CAPS2: variants seen among roughly 807,000 people sequenced by gnomAD.
CAPS2 encodes the protein calcyphosine 2.
Under a neutral mutation model 86.5 loss-of-function variants are expected in CAPS2, and 98 were observed. The ratio of observed to expected loss-of-function variants is 1.13; its 90% CI spans 0.96 to 1.34. CAPS2 has a LOEUF of 1.34. Among genes scored for constraint, CAPS2 ranks in the 40% most tolerant of loss-of-function variants. The pLI is 0.00. For missense variants in CAPS2, 729 were observed against 686.8 expected (o/e 1.06, Z -0.69); for synonymous variants, 210 against 225.1 (o/e 0.93, Z 0.60).
chr12:75,384,850 T>TG (rs60378977), intron 1 of CAPS2, among the ~76,000 whole-genome samples: 79,773 of 152,022 alleles, frequency 0.52, 21,007 homozygotes, highest in East Asian at 0.58. Flanking sequence ...TCTAAATATT[T>TG]TCCCCTCCAA....
intron 1 of CAPS2, chr12:75,343,655 T>G: frequency 1.4e-6 from 2 of 1,469,332 alleles, no homozygotes; most frequent in Non-Finnish European, 1.9e-6. Flanking sequence ...ATGCAAATAC[T>G]TATGCACAAT....
chr12:75,291,898 T>G, intron 12 of CAPS2, 78 bp from the exon 13 acceptor site: 1 of 543,532 alleles, frequency 1.8e-6, no homozygotes, highest in African/African-American at 2.0e-5. Context: ...CTCTAAGCTC[T>G]TCCCTGCTCC....
intron 4 of CAPS2, chr12:75,322,875 T>G: frequency 1.5e-6 from 1 of 659,696 alleles, no homozygotes. Flanking sequence ...GGTTTGGTAT[T>G]TAAATACATA....
At chr12:75,348,916 C>T (rs963378943) in intron 1 of CAPS2, among the ~76,000 whole-genome samples, 1 of 152,156 alleles carries the variant, frequency 6.6e-6, no homozygotes, top group East Asian at 1.9e-4. Flanking sequence ...ATTCCCCCAG[C>T]TTCCTGTCTC....
chr12:75,302,138 A>C (rs1341837225), intron 8 of CAPS2, among the ~76,000 whole-genome samples: 1 of 152,180 alleles, frequency 6.6e-6, no homozygotes, highest in Admixed American at 6.5e-5. Context: ...TCCTGCCTCT[A>C]AATTTATGTA....
chr12:75,334,885 G>A, upstream of CAPS2: 1 of 1,613,924 alleles, frequency 6.2e-7, no homozygotes, highest in Non-Finnish European at 8.5e-7. Flanking sequence ...CCCTCCCGCG[G>A]CCGACATGAA....
At chr12:75,304,393 A>G (rs546797974) in intron 8 of CAPS2, among the ~76,000 whole-genome samples, 1 of 152,230 alleles carries the variant, frequency 6.6e-6, no homozygotes, top group South Asian at 2.1e-4. Flanking sequence ...GTAAAATGCA[A>G]AACAAATCTT....
chr12:75,312,505 C>T (rs1250781354), intron 7 of CAPS2, among the ~76,000 whole-genome samples: 1 of 152,076 alleles, frequency 6.6e-6, no homozygotes, highest in African/African-American at 2.4e-5. Context: ...CTGTGCAGTG[C>T]CCATAAGATG....
At chr12:75,336,598 CA>C (rs749604180) in intron 1 of CAPS2, among the ~76,000 whole-genome samples, 3 of 151,330 alleles carry the variant, frequency 2.0e-5, no homozygotes, top group Non-Finnish European at 3.0e-5. Flanking sequence ...GCTAATTCAA[CA>C]AAAGACACAG....
At chr12:75,305,994 G>C (rs1412614588) in intron 7 of CAPS2, 13 of 1,448,516 alleles carry the variant, frequency 9.0e-6, no homozygotes, top group Non-Finnish European at 1.1e-5. Flanking sequence ...GTCCTGACAG[G>C]CCTCCTGCTC....
intron 1 of CAPS2, among the ~76,000 whole-genome samples, chr12:75,375,874 T>C (rs1379700051): frequency 1.3e-5 from 2 of 152,190 alleles, no homozygotes; most frequent in East Asian, 1.9e-4. Flanking sequence ...ATTATTCCCA[T>C]TGAATGTAAG....
At chr12:75,357,673 C>A (rs1399668725) in intron 1 of CAPS2, among the ~76,000 whole-genome samples, 4 of 151,858 alleles carry the variant, frequency 2.6e-5, no homozygotes, top group Non-Finnish European at 4.4e-5. Context: ...TTGATGACAG[C>A]AAAATTAAAT....
At chr12:75,325,212 G>A in intron 2 of CAPS2, 27 bp downstream of exon 3, 1 of 1,544,716 alleles carries the variant, frequency 6.5e-7, no homozygotes, top group Non-Finnish European at 8.7e-7. Flanking sequence ...CCATTAAACA[G>A]TCCAAATGTG....
At chr12:75,303,119 C>T (rs991454112) in intron 8 of CAPS2, among the ~76,000 whole-genome samples, 5 of 152,144 alleles carry the variant, frequency 3.3e-5, no homozygotes, top group African/African-American at 1.2e-4. Flanking sequence ...TATCTATCAA[C>T]CTCTGAATAG....
chr12:75,314,541 C>A (rs1282729074), intron 6 of CAPS2, among the ~76,000 whole-genome samples: 1 of 151,988 alleles, frequency 6.6e-6, no homozygotes, highest in Non-Finnish European at 1.5e-5. Flanking sequence ...GCTCATGATG[C>A]TTTATAAGAT....
chr12:75,341,314 G>C (rs1452687762), intron 1 of CAPS2, among the ~76,000 whole-genome samples: 1 of 152,126 alleles, frequency 6.6e-6, no homozygotes, highest in Non-Finnish European at 1.5e-5. Flanking sequence ...ATATGACTTG[G>C]TCACTAAATG....
intron 7 of CAPS2, among the ~76,000 whole-genome samples, chr12:75,307,758 C>T (rs1361644802): frequency 6.6e-6 from 1 of 151,964 alleles, no homozygotes; most frequent in African/African-American, 2.4e-5. Context: ...TCAAGAAACA[C>T]CAACAGAACT....
chr12:75,319,746 G>T (rs913401666), intron 5 of CAPS2, among the ~76,000 whole-genome samples: 1 of 152,000 alleles, frequency 6.6e-6, no homozygotes, highest in Non-Finnish European at 1.5e-5. Context: ...TCTAATTTTA[G>T]CTTTGCTTTA....
At chr12:75,370,578 T>A (rs1428120400) in intron 1 of CAPS2, 2 of 155,778 alleles carry the variant, frequency 1.3e-5, no homozygotes, top group African/African-American at 4.8e-5. Flanking sequence ...GGAAAGTTTT[T>A]TCAGATAGCA....
Sources: allele counts gnomAD v4.1 joint callset (sites outside exome capture counted in the v4.1 genomes callset), GRCh38; gene constraint gnomAD v4.1.1; transcripts MANE v1.5; gene names NCBI Gene and HGNC (gene_info 2026-07-23, HGNC 2026-07-21).